CEP128: variants seen among roughly 807,000 people sequenced by gnomAD.
The protein encoded by CEP128 is centrosomal protein 128.
CEP128 carries 132 observed loss-of-function variants against 156.7 expected under a neutral mutation model. The ratio of observed to expected loss-of-function variants is 0.84; its 90% CI spans 0.73 to 0.97. The LOEUF (loss-of-function observed/expected upper bound fraction) is 0.97, where lower values mean the gene tolerates loss of function less well. Among genes scored for constraint, CEP128 ranks in the 50% least tolerant of loss-of-function variants. The pLI, the probability that CEP128 is intolerant of heterozygous loss-of-function variation, is 0.00. For synonymous variants in CEP128, 469 were observed against 448.9 expected (o/e 1.04, Z -0.57); for missense variants, 1,252 against 1,281.9 (o/e 0.98, Z 0.36).
At chr14:80,530,699 A>G (rs956616641) in intron 22 of CEP128, 110 bp downstream of exon 22, 19 of 620,200 alleles carry the variant, frequency 3.1e-5, no homozygotes, top group African/African-American at 1.7e-4. Context: ...AAAGTTCCCA[A>G]TGTTTTTTGG....
chr14:80,481,368 C>T (rs1000652714), intron 14 of CEP128, among the ~76,000 whole-genome samples: 12 of 152,144 alleles, frequency 7.9e-5, no homozygotes, highest in Non-Finnish European at 1.2e-4. Flanking sequence ...TGGGAAAGAC[C>T]GGCCCCCATG....
intron 13 of CEP128, among the ~76,000 whole-genome samples, chr14:80,801,084 A>C (rs1244494543): frequency 6.6e-6 from 1 of 152,234 alleles, no homozygotes; most frequent in East Asian, 1.9e-4. Flanking sequence ...GAGAGGGCTA[A>C]AGAGAGATTA....
intron 18 of CEP128, among the ~76,000 whole-genome samples, chr14:80,744,693 A>G (rs1899008677): frequency 6.6e-6 from 1 of 152,098 alleles, no homozygotes; most frequent in Admixed American, 6.6e-5. Flanking sequence ...CTCTTTCTCA[A>G]GTTCACAGTC....
At chr14:80,640,102 G>A (rs112719343) in intron 19 of CEP128, among the ~76,000 whole-genome samples, 29 of 152,178 alleles carry the variant, frequency 1.9e-4, no homozygotes, top group African/African-American at 6.7e-4. Flanking sequence ...GGAACTTATT[G>A]TAAATGTGAA....
intron 24 of CEP128, among the ~76,000 whole-genome samples, chr14:80,498,015 C>T (rs777848897): frequency 1.1e-4 from 16 of 152,180 alleles, no homozygotes; most frequent in Non-Finnish European, 2.2e-4. Flanking sequence ...TTTACTATCT[C>T]CTACTCCTCG....
At chr14:80,742,563 TCTA>T (rs1450065230) in intron 19 of CEP128, among the ~76,000 whole-genome samples, 9 of 152,314 alleles carry the variant, frequency 5.9e-5, no homozygotes, top group African/African-American at 2.2e-4. Flanking sequence ...TTCCCCTTAC[TCTA>T]CTGTTTCCAC....
intron 20 of CEP128, among the ~76,000 whole-genome samples, chr14:80,572,678 T>C (rs1309460755): frequency 1.4e-5 from 2 of 145,554 alleles, no homozygotes; most frequent in Non-Finnish European, 3.0e-5. Flanking sequence ...TGAAACATCA[T>C]AATGTGTTGA....
At chr14:80,832,024 C>G (rs995886258) in intron 12 of CEP128, among the ~76,000 whole-genome samples, 1 of 152,158 alleles carries the variant, frequency 6.6e-6, no homozygotes, top group Admixed American at 6.5e-5. Flanking sequence ...GGGGGCAGCT[C>G]TTTCCATGCT....
At position 80,864,508 on chromosome 14, in the gene CEP128, T is replaced by C. The variant is rs952748437; in HGVS notation, c.646-1635A>G. On this transcript the variant is annotated intron_variant, in intron 8 of 24. Coordinates refer to ENST00000555265, the MANE Select transcript of CEP128 (RefSeq NM_152446.5). Reference sequence around the variant, plus strand: ...TTAGACATCAGCAACTTTGTCACCATAGCTAATACATATGATGATACAGAG... The same window carrying C: ...TTAGACATCAGCAACTTTGTCACCACAGCTAATACATATGATGATACAGAG... Among the ~76,000 whole-genome samples the C allele has an allele frequency of 3.3e-5, 5 of 152,136 alleles. No homozygotes were observed. The East Asian group carries it at 7.7e-4, about 23-fold the overall frequency.
intron 13 of CEP128, among the ~76,000 whole-genome samples, chr14:80,822,988 T>A (rs556263083): frequency 2.6e-4 from 40 of 152,228 alleles, no homozygotes; most frequent in Non-Finnish European, 3.4e-4. Flanking sequence ...AAAGCTGGAC[T>A]GATGTGGGGA....
At chr14:80,881,797 A>G (rs1278521083) in intron 8 of CEP128, among the ~76,000 whole-genome samples, 1 of 152,194 alleles carries the variant, frequency 6.6e-6, no homozygotes, top group East Asian at 1.9e-4. Flanking sequence ...GATACATCAT[A>G]TAAACAGAAT....
In CEP128 at chr14:80,746,672, T is replaced by G. The variant is rs193195613; in HGVS notation, c.2614-3405A>C. ...AACACAGGCATAAATCGTTGTGACC[T>G]TGGCTTGGCAATAGCTTCCTAGGTG... is the stretch of plus-strand genomic sequence containing the variant. On this transcript the variant is annotated intron_variant, in intron 18 of 24. Transcript: ENST00000555265. Among the ~76,000 whole-genome samples, 703 of 152,334 alleles carry G rather than the reference T, an allele frequency of 4.6e-3. 4 individuals are homozygous for G. The highest frequency in any genetic ancestry group is 0.016 in the African/African-American group (671 of 41,578).
chr14:80,945,225 G>A (rs548316822), upstream of CEP128, among the ~76,000 whole-genome samples: 1 of 152,218 alleles, frequency 6.6e-6, no homozygotes, highest in South Asian at 2.1e-4. Context: ...TTCCCTGTAT[G>A]AGCACATACA....
At chr14:80,620,057 G>A (rs181546867) in intron 19 of CEP128, among the ~76,000 whole-genome samples, 22 of 150,930 alleles carry the variant, frequency 1.5e-4, no homozygotes, top group South Asian at 6.3e-4. Context: ...CTCGGGAGGC[G>A]GAGGTTGCAG....
chr14:80,573,672 C>A (rs1047884861), intron 20 of CEP128, among the ~76,000 whole-genome samples: 13 of 152,084 alleles, frequency 8.5e-5, no homozygotes, highest in African/African-American at 3.1e-4. Flanking sequence ...CTCATGAGGT[C>A]TCTTGATGTA....
intron 8 of CEP128, among the ~76,000 whole-genome samples, chr14:80,881,834 CA>C (rs948843527): frequency 6.6e-6 from 1 of 151,982 alleles, no homozygotes; most frequent in Non-Finnish European, 1.5e-5. Context: ...TAAAAACCTT[CA>C]AAAAACTGAG....
At chr14:80,758,325 C>G (rs1043724974) in intron 17 of CEP128, among the ~76,000 whole-genome samples, 6 of 152,138 alleles carry the variant, frequency 3.9e-5, no homozygotes, top group African/African-American at 1.4e-4. Flanking sequence ...AGTACAAGAC[C>G]AGCCTGGCCA....
intron 17 of CEP128, among the ~76,000 whole-genome samples, chr14:80,759,243 A>G (rs1899833806): frequency 6.6e-6 from 1 of 152,224 alleles, no homozygotes. Context: ...GTAACTAAAA[A>G]TAACATCAAC....
chr14:80,629,953 A>G (rs1351209470), intron 19 of CEP128, among the ~76,000 whole-genome samples: 2 of 151,994 alleles, frequency 1.3e-5, no homozygotes, highest in African/African-American at 4.8e-5. Flanking sequence ...CACTGATCCA[A>G]TAAACTCCAT....
Sources: allele counts gnomAD v4.1 joint callset (sites outside exome capture counted in the v4.1 genomes callset), GRCh38; gene constraint gnomAD v4.1.1; transcripts MANE v1.5; gene names NCBI Gene and HGNC (gene_info 2026-07-23, HGNC 2026-07-21).